The following ZFR variants were observed in gnomAD, a reference collection of about 807,000 sequenced individuals.
ZFR encodes zinc finger RNA binding protein.
Under a neutral mutation model 130.7 loss-of-function variants are expected in ZFR, and 19 were observed. That is an observed-to-expected ratio of 0.15 (90% CI 0.10 to 0.21). The LOEUF is 0.21. Among genes scored for constraint, ZFR ranks in the 10% least tolerant of loss-of-function variants. The pLI, the probability that ZFR is intolerant of heterozygous loss-of-function variation, is 1.00. For synonymous variants in ZFR, 466 were observed against 456.9 expected (o/e 1.02, Z -0.25); for missense variants, 872 against 1,321.5 (o/e 0.66, Z 5.27).
chr5:32,373,955 AAAG>A (rs1581683509), intron 17 of ZFR, among the ~76,000 whole-genome samples: 1 of 152,112 alleles, frequency 6.6e-6, no homozygotes, highest in Non-Finnish European at 1.5e-5. Flanking sequence ...CTCTACCCTC[AAAG>A]AAGAACACAC....
chr5:32,415,537 A>C (rs1408520966), intron 4 of ZFR, among the ~76,000 whole-genome samples: 2 of 119,028 alleles, frequency 1.7e-5, no homozygotes, highest in African/African-American at 2.9e-5. Context: ...CGCGCGCACT[A>C]GTCAGTCTAC....
At chr5:32,434,376 A>C (rs559262495) in intron 2 of ZFR, among the ~76,000 whole-genome samples, 1 of 152,324 alleles carries the variant, frequency 6.6e-6, no homozygotes, top group East Asian at 1.9e-4. Flanking sequence ...TCTATCTGAT[A>C]ATTGGGAAAC....
At chr5:32,402,594 C>T (rs947060014) in intron 8 of ZFR, among the ~76,000 whole-genome samples, 2 of 148,994 alleles carry the variant, frequency 1.3e-5, no homozygotes, top group Non-Finnish European at 3.0e-5. Flanking sequence ...TGGTGAAACC[C>T]CATCTCTACC....
chr5:32,395,239 T>C lies in ZFR; in HGVS notation c.1899A>G (p.Glu633=), dbSNP rs773172059. 6 of 1,611,376 alleles carry C rather than the reference T, an allele frequency of 3.7e-6. No homozygotes were observed. The highest frequency in any genetic ancestry group is 5.1e-6 in the Non-Finnish European group (6 of 1,178,638). ...TCTGCATTTGCTTCCTCATTTTCTC[T>C]TCTTGAATCTTTCTTGCTCGAATAC... is the stretch of plus-strand genomic sequence containing the variant. ...KPSIRARKIQ[E]EKMRKQMQKE... is the part of the protein sequence containing the mutation. The change falls in exon 11 of 20, where the codon GAA becomes GAG. Residue 633 remains glutamate, a synonymous_variant. Transcript: ENST00000265069.
intron 14 of ZFR, among the ~76,000 whole-genome samples, chr5:32,386,396 T>A (rs1445443065): frequency 6.6e-6 from 1 of 152,122 alleles, no homozygotes; most frequent in Non-Finnish European, 1.5e-5. Context: ...GCTTATCCAC[T>A]TATATAGGTG....
intron 5 of ZFR, among the ~76,000 whole-genome samples, chr5:32,408,515 C>T (rs1184449133): frequency 1.3e-5 from 2 of 152,026 alleles, no homozygotes; most frequent in African/African-American, 4.8e-5. Flanking sequence ...AATCATGATC[C>T]TACTTGGTAA....
In ZFR at chr5:32,354,421, CAT is replaced by C. The variant is rs1752261204; in HGVS notation, c.*1337_*1338del. 1 of 152,608 alleles carries C rather than the reference CAT, an allele frequency of 6.6e-6. No homozygotes were observed. Among genetic ancestry groups the C allele is most frequent in the Non-Finnish European group, 1.5e-5 (1 of 68,042 alleles). 9.5% of individuals were successfully genotyped at this position (152,608 alleles called of 1,614,324 possible). On this transcript the variant is annotated 3_prime_UTR_variant, in exon 20 of 20. Transcript: ENST00000265069. ...AAGTAGTTTATGTTGTCAATTCTAACATATAATACATTTAAGTCATTATATGA... is the reference window on the plus strand; with the variant it reads ...AAGTAGTTTATGTTGTCAATTCTAACATAATACATTTAAGTCATTATATGA...
At chr5:32,395,904 G>GCTT (rs1363764483) in intron 10 of ZFR, among the ~76,000 whole-genome samples, 1 of 152,074 alleles carries the variant, frequency 6.6e-6, no homozygotes, top group African/African-American at 2.4e-5. Context: ...TATCAGTAAG[G>GCTT]CTTCTGGTCA....
intron 17 of ZFR, among the ~76,000 whole-genome samples, chr5:32,371,427 G>C (rs1034197730): frequency 1.3e-5 from 2 of 152,150 alleles, no homozygotes; most frequent in African/African-American, 4.8e-5. Context: ...GTAATAGCTT[G>C]AATCAAACAG....
rs1306326574 is a variant in ZFR, at chr5:32,420,054, T to C, written c.187A>G (p.Ser63Gly). 6.2e-7 allele frequency: 1 copy of C among 1,612,140 alleles called. No individual in the cohort carries two copies. Among genetic ancestry groups the C allele is most frequent in the Admixed American group, 1.7e-5 (1 of 59,960 alleles). The change falls in exon 3 of 20, where the codon AGC (serine) becomes GGC (glycine). Residue 63 changes from serine to glycine, a missense_variant. Physicochemically the swap from Ser to Gly is moderately conservative, Grantham distance 56. Around this residue, in one of 7 missense-constraint regions of ZFR, gnomAD observed 240 missense variants for 441.2 expected, o/e 0.54. Coordinates refer to ENST00000265069, the MANE Select transcript of ZFR (RefSeq NM_016107.5). ...ACTGGAGCCTGATGGACAGTGTAGC[T>C]AGCAACTGTAGTTGGATGAGAATAG... Reference protein sequence around the residue: ...VAYSHPTTVASYTVHQAPVAA... With the variant: ...VAYSHPTTVAGYTVHQAPVAA...
intron 9 of ZFR, among the ~76,000 whole-genome samples, chr5:32,399,745 TAAATAG>T (rs1397814011): frequency 6.6e-6 from 1 of 152,124 alleles, no homozygotes; most frequent in Non-Finnish European, 1.5e-5. Flanking sequence ...TGCTTGCTAG[TAAATAG>T]AAAGTTACTT....
chr5:32,398,285 AACG>A (rs1753364590), intron 9 of ZFR, among the ~76,000 whole-genome samples: 1 of 152,234 alleles, frequency 6.6e-6, no homozygotes, highest in South Asian at 2.1e-4. Flanking sequence ...AAATGAAGAT[AACG>A]ACGAATAATA....
At chr5:32,381,133 TG>T (rs1294284123) in intron 15 of ZFR, among the ~76,000 whole-genome samples, 1 of 151,216 alleles carries the variant, frequency 6.6e-6, no homozygotes, top group African/African-American at 2.4e-5. Context: ...GAATTAAGAG[TG>T]GAAAAGATGC....
intron 17 of ZFR, among the ~76,000 whole-genome samples, chr5:32,366,059 G>A (rs1013750278): frequency 5.3e-5 from 8 of 152,122 alleles, no homozygotes; most frequent in Non-Finnish European, 1.2e-4. Context: ...TTGAGGATAA[G>A]GTCAGTGTTA....
At chr5:32,370,657 A>G (rs1487976765) in intron 17 of ZFR, among the ~76,000 whole-genome samples, 1 of 152,212 alleles carries the variant, frequency 6.6e-6, no homozygotes, top group Non-Finnish European at 1.5e-5. Context: ...GATTACAGGT[A>G]GGAGCCATTG....
chr5:32,393,784 T>C (rs1347009414), intron 11 of ZFR, among the ~76,000 whole-genome samples: 1 of 152,188 alleles, frequency 6.6e-6, no homozygotes, highest in East Asian at 1.9e-4. Flanking sequence ...TAGGCAGACA[T>C]GTGAGCATCC....
chr5:32,380,006 G>T, intron 16 of ZFR, 69 bp downstream of exon 16: 1 of 1,297,022 alleles, frequency 7.7e-7, no homozygotes, highest in Non-Finnish European at 1.1e-6. Flanking sequence ...TTTAAGCACA[G>T]TTAAACATGT....
chr5:32,386,642 TAAA>T (rs746802042), intron 14 of ZFR, among the ~76,000 whole-genome samples: 1 of 150,432 alleles, frequency 6.6e-6, no homozygotes, highest in African/African-American at 2.4e-5. Flanking sequence ...TCCCGATAAT[TAAA>T]AAAAAAGACT....
intron 5 of ZFR, among the ~76,000 whole-genome samples, chr5:32,413,203 A>C (rs1338989733): frequency 1.3e-5 from 2 of 151,610 alleles, no homozygotes; most frequent in Admixed American, 1.3e-4. Context: ...AAAAAAAACA[A>C]AACAAAACAA....
Sources: allele counts gnomAD v4.1 joint callset (sites outside exome capture counted in the v4.1 genomes callset), GRCh38; gene constraint gnomAD v4.1.1; regional missense constraint gnomAD v4.1.1; transcripts MANE v1.5; gene names NCBI Gene and HGNC (gene_info 2026-07-23, HGNC 2026-07-21).